Variants in SMARCE1 observed in about 807,000 individuals in gnomAD.
SMARCE1 encodes the protein SWI/SNF-related matrix-associated actin-dependent regulator of chromatin subfamily E member 1.
In SMARCE1, 13 loss-of-function variants were observed where a neutral mutation model predicts 54.9. The observed-to-expected ratio is 0.24, with a 90% CI of 0.15 to 0.38. The LOEUF is 0.38. SMARCE1 is among the 10% of genes least tolerant of loss of function. The pLI, the probability that SMARCE1 is intolerant of heterozygous loss-of-function variation, is 1.00. For missense variants in SMARCE1, 295 were observed against 523.8 expected (o/e 0.56, Z 4.26); for synonymous variants, 151 against 175.3 (o/e 0.86, Z 1.10).
At chr17:40,632,538 G>A in intron 7 of SMARCE1, 171 bp from the exon 8 acceptor site, 2 of 577,768 alleles carry the variant, frequency 3.5e-6, no homozygotes, top group Admixed American at 3.2e-5. Context: ...CCATACAGAG[G>A]ACGTAATGTG....
intron 4 of SMARCE1, among the ~76,000 whole-genome samples, chr17:40,639,534 CATTTT>C (rs1207953936): frequency 1.3e-5 from 2 of 152,120 alleles, no homozygotes; most frequent in Non-Finnish European, 2.9e-5. Flanking sequence ...CAAAGAATCA[CATTTT>C]ATATTAATGG....
At chr17:40,643,988 ATGG>A in intron 3 of SMARCE1, 1 of 155,988 alleles carries the variant, frequency 6.4e-6, no homozygotes, top group Non-Finnish European at 1.4e-5. Context: ...AGTGGTGGTG[ATGG>A]TGGTGGTGGT....
At chr17:40,645,281 T>C in intron 3 of SMARCE1, 1 of 408,618 alleles carries the variant, frequency 2.4e-6, no homozygotes, top group African/African-American at 2.1e-5. Context: ...ATAGTGAAGA[T>C]TAATAAGAAA....
rs775997908 is a variant in SMARCE1 at position 40,635,966 on chromosome 17, G to A, written c.506C>T (p.Pro169Leu). 8.1e-6 allele frequency: 13 copies of A among 1,610,650 alleles called. No homozygotes were observed. Among genetic ancestry groups the A allele is most frequent in the South Asian group, 2.2e-5 (2 of 90,136 alleles). Residue 169 changes from proline to leucine, a missense_variant, in exon 7 of 11, where the codon CCG becomes CTG. Pro to Leu is a moderately conservative substitution (Grantham distance 98, BLOSUM62 -3). Around this residue, in one of 5 missense-constraint regions of SMARCE1, gnomAD observed 101 missense variants for 183.1 expected, o/e 0.55. Coordinates refer to ENST00000348513, the MANE Select transcript of SMARCE1 (RefSeq NM_003079.5). ...QRQSRMEKGE[P>L]YMSIQPAEDP... The stretch of plus-strand genomic sequence containing the variant: ...TTCAGCAGGCTGAATGCTCATGTAC[G>A]GTTCTCCTTTCTCCATGCGAGATTG...
At chr17:40,636,689 A>C in intron 5 of SMARCE1, 163 bp from the exon 6 acceptor site, 1 of 554,674 alleles carries the variant, frequency 1.8e-6, no homozygotes, top group Non-Finnish European at 3.2e-6. Context: ...GAACTGGCCA[A>C]TCTCAAGTTA....
chr17:40,640,990 A>G (rs1048572), intron 4 of SMARCE1: 110,945 of 152,110 alleles, frequency 0.73, 41,058 homozygotes, highest in African/African-American at 0.86. Flanking sequence ...AGAGCAAAAT[A>G]CTTACACAAA....
In SMARCE1 at chr17:40,626,865, A is replaced by AACTAAAAAAAAAAAAAAAAAAAAAGC. The variant is rs2037040677; in HGVS notation, c.*1919_*1920insGCTTTTTTTTTTTTTTTTTTTTTAGT. 1 of 118,142 alleles carries AACTAAAAAAAAAAAAAAAAAAAAAGC rather than the reference A, an allele frequency of 8.5e-6. No individual in the cohort carries two copies. The highest frequency in any genetic ancestry group is 3.5e-5 in the African/African-American group (1 of 28,332). 7.3% of individuals were successfully genotyped at this position (118,142 alleles called of 1,614,324 possible). A position where few individuals can be genotyped will look rare whatever the true frequency, so the allele number is the denominator to read the frequency against. On this transcript the variant is annotated 3_prime_UTR_variant, in exon 11 of 11. Transcript: ENST00000348513. Reference sequence around the variant, plus strand: ...ACTCCAACCTGGGCGACAGATTGAGACGTCTCCCATCTGACTTAATTCCCT... The same window carrying AACTAAAAAAAAAAAAAAAAAAAAAGC: ...ACTCCAACCTGGGCGACAGATTGAGAACTAAAAAAAAAAAAAAAAAAAAAGCCGTCTCCCATCTGACTTAATTCCCT...
chr17:40,638,702 TC>T, intron 4 of SMARCE1, among the ~76,000 whole-genome samples: 1 of 152,314 alleles, frequency 6.6e-6, no homozygotes, highest in South Asian at 2.1e-4. Flanking sequence ...TCAGGAGATC[TC>T]TGATATTGAC....
At chr17:40,632,120 A>G in intron 8 of SMARCE1, 75 bp downstream of exon 8, 1 of 1,138,756 alleles carries the variant, frequency 8.8e-7, no homozygotes, top group Non-Finnish European at 1.3e-6. Context: ...AGATTTAGGC[A>G]TGGTGTAGGA....
chr17:40,638,502 G>A (rs1047235801), intron 4 of SMARCE1, among the ~76,000 whole-genome samples: 1 of 152,060 alleles, frequency 6.6e-6, no homozygotes, highest in Non-Finnish European at 1.5e-5. Flanking sequence ...GAAAGATAAA[G>A]TGATCAGTTT....
chr17:40,647,229 T>C (rs1166558597), intron 1 of SMARCE1: 1 of 152,238 alleles, frequency 6.6e-6, no homozygotes, highest in Non-Finnish European at 1.5e-5. Flanking sequence ...ACTATTTCGC[T>C]TAACACTCAC....
rs1023207329 is a variant in SMARCE1 at position 40,636,318 on chromosome 17, T to C, written c.369+77A>G. The C allele has an allele frequency of 1.0e-5, 15 of 1,470,918 alleles. 1 individual carries two copies. In the Middle Eastern group the frequency reaches 1.3e-3, roughly 127 times the overall value. The allele number at this position is 1,470,918 out of a possible 1,614,324, so 91.1% of individuals were successfully genotyped here. On this transcript the variant is annotated intron_variant, in intron 6 of 10. Coordinates refer to ENST00000348513, the MANE Select transcript of SMARCE1 (RefSeq NM_003079.5). ...GCATCAGTGTTCTGACCAAATCTTA[T>C]GTTACTTTTATAAATAGTAAGCCAA...
At position 40,642,231 on chromosome 17, in the gene SMARCE1, C is replaced by T. The variant is rs1200888381; in HGVS notation, c.156+224G>A. ...GTGCTCAAGGCTTTAACCCTACCAA[C>T]CACCAAACAGAATGGATTTTTCTTT... is the stretch of plus-strand genomic sequence containing the variant. On this transcript the variant is annotated intron_variant, in intron 4 of 10. Coordinates refer to ENST00000348513, the MANE Select transcript of SMARCE1 (RefSeq NM_003079.5). This position sits in a 1 kb window ranked among gnomAD's most constrained non-coding sequence, Gnocchi z 4.6. 2 of 616,096 alleles carry T rather than the reference C, an allele frequency of 3.2e-6. No individual in the cohort carries two copies. The highest frequency in any genetic ancestry group is 2.9e-6 in the Non-Finnish European group (1 of 349,728). 38.2% of individuals were successfully genotyped at this position (616,096 alleles called of 1,614,324 possible).
chr17:40,632,483 C>T (rs2037104926), intron 7 of SMARCE1, 116 bp from the exon 8 acceptor site: 2 of 830,958 alleles, frequency 2.4e-6, no homozygotes, highest in Non-Finnish European at 3.8e-6. Flanking sequence ...AACAAGTGGA[C>T]CTGCCCAGCG....
chr17:40,629,189 G>A (rs1156831143), intron 10 of SMARCE1, 196 bp from the exon 11 acceptor site: 2 of 551,222 alleles, frequency 3.6e-6, no homozygotes, highest in Non-Finnish European at 3.2e-6. Flanking sequence ...CTTTTTAGCT[G>A]TAAATGAATG....
Position 40,642,847 on chromosome 17 carries a change from A to C in SMARCE1, c.52-288T>G, listed in dbSNP as rs2037212922. On this transcript the variant is annotated intron_variant, in intron 3 of 10. Coordinates refer to ENST00000348513, the MANE Select transcript of SMARCE1 (RefSeq NM_003079.5). This position sits in a 1 kb window ranked among gnomAD's most constrained non-coding sequence, Gnocchi z 4.6. ...TTTTGTTTTTTGAGGTAAGCAACAC[A>C]CTGAAGTGTTTAAAACATTCAGGAT... 8.3e-6 allele frequency: 3 copies of C among 363,628 alleles called. No individual in the cohort carries two copies. Among genetic ancestry groups the C allele is most frequent in the Non-Finnish European group, 1.5e-5 (3 of 202,656 alleles). 22.5% of individuals were successfully genotyped at this position (363,628 alleles called of 1,614,324 possible).
chr17:40,644,174 T>A (rs2037227746), intron 3 of SMARCE1: 1 of 152,172 alleles, frequency 6.6e-6, no homozygotes, highest in African/African-American at 2.4e-5. Flanking sequence ...TAATAAATTA[T>A]AAGGGGACAC....
At chr17:40,640,117 G>C (rs542194041) in intron 4 of SMARCE1, 3 of 152,260 alleles carry the variant, frequency 2.0e-5, no homozygotes, top group Non-Finnish European at 4.4e-5. Flanking sequence ...ATTTATCTTG[G>C]TTACTCAGTT....
intron 9 of SMARCE1, chr17:40,631,353 C>A: frequency 2.6e-6 from 1 of 391,466 alleles, no homozygotes. Flanking sequence ...TATCAGAGGG[C>A]TCTAGCATTT....
Sources: allele counts gnomAD v4.1 joint callset (sites outside exome capture counted in the v4.1 genomes callset), GRCh38; gene constraint gnomAD v4.1.1; regional missense constraint gnomAD v4.1.1; non-coding constraint Gnocchi (gnomAD v3.1); transcripts MANE v1.5; gene names NCBI Gene and HGNC (gene_info 2026-07-23, HGNC 2026-07-21).